ARID1B: variants seen among roughly 807,000 people sequenced by gnomAD.
ARID1B encodes the protein AT-rich interaction domain 1B.
In ARID1B, 30 loss-of-function variants were observed where a neutral mutation model predicts 212.3. The ratio of observed to expected loss-of-function variants is 0.14; its 90% CI spans 0.11 to 0.19. The LOEUF is 0.19. Ranked by LOEUF, ARID1B falls within the 10% of genes least tolerant of loss-of-function variation. The pLI is 1.00. For synonymous variants in ARID1B, 1,402 were observed against 1,301.7 expected (o/e 1.08, Z -1.66); for missense variants, 2,891 against 3,204.0 (o/e 0.90, Z 2.36).
chr6:156,922,543 G>T (rs1017192454), intron 3 of ARID1B, among the ~76,000 whole-genome samples: 2 of 152,088 alleles, frequency 1.3e-5, no homozygotes, highest in Non-Finnish European at 2.9e-5. Context: ...AGATACTAAT[G>T]GCATATTTGC....
chr6:157,180,784 CCTAA>C (rs1169861430), intron 11 of ARID1B, among the ~76,000 whole-genome samples, 181 bp from the exon 12 acceptor site: 2 of 152,050 alleles, frequency 1.3e-5, no homozygotes, highest in Non-Finnish European at 2.9e-5. Flanking sequence ...AAAGTAAATT[CCTAA>C]CTAAGAAAAT....
At chr6:156,839,101 C>G (rs947869650) in intron 2 of ARID1B, among the ~76,000 whole-genome samples, 6 of 152,136 alleles carry the variant, frequency 3.9e-5, no homozygotes, top group African/African-American at 1.4e-4. Context: ...ATGGAGATGA[C>G]AAGGTCTTAC....
chr6:157,135,799 C>T lies in ARID1B; in HGVS notation c.2761+2592C>T, dbSNP rs370247025. On this transcript the variant is annotated intron_variant, in intron 7 of 19. Transcript: ENST00000636930. ...CTAATAAAGGGTTTTTTTTCTTTCT[C>T]CTCTTGATTAACTACTCAGATTATT... Among the ~76,000 whole-genome samples the T allele has an allele frequency of 7.9e-5, 12 of 151,934 alleles. No homozygotes were observed. The East Asian group carries it at 9.6e-4, about 12-fold the overall frequency.
chr6:157,146,467 G>A (rs764528898), intron 7 of ARID1B, among the ~76,000 whole-genome samples: 1 of 152,104 alleles, frequency 6.6e-6, no homozygotes, highest in Non-Finnish European at 1.5e-5. Context: ...TCATTCAGAG[G>A]ACTCTCCACC....
At chr6:156,966,386 C>CTTT (rs1214987532) in intron 4 of ARID1B, among the ~76,000 whole-genome samples, 123 of 38,856 alleles carry the variant, frequency 3.2e-3, no homozygotes, top group African/African-American at 4.5e-3. Flanking sequence ...CTTTTCTTTT[C>CTTT]TTTTTTTTTT....
intron 7 of ARID1B, among the ~76,000 whole-genome samples, chr6:157,133,551 T>C (rs781469587): frequency 2.0e-5 from 3 of 152,202 alleles, no homozygotes; most frequent in Non-Finnish European, 4.4e-5. Flanking sequence ...ATGTCAAACT[T>C]GGGCTTTGTT....
intron 3 of ARID1B, among the ~76,000 whole-genome samples, chr6:156,914,133 C>T (rs112676972): frequency 5.9e-4 from 85 of 143,370 alleles, no homozygotes; most frequent in African/African-American, 2.3e-3. Context: ...TTCCACTCTC[C>T]ACTCCCGAAC....
At chr6:157,005,829 G>A (rs1308628297) in intron 4 of ARID1B, among the ~76,000 whole-genome samples, 1 of 151,848 alleles carries the variant, frequency 6.6e-6, no homozygotes, top group East Asian at 1.9e-4. Flanking sequence ...ACCATATTCT[G>A]TCTCCTCAGC....
intron 4 of ARID1B, among the ~76,000 whole-genome samples, chr6:156,987,479 C>T (rs911029263): frequency 6.6e-6 from 1 of 152,022 alleles, no homozygotes; most frequent in Non-Finnish European, 1.5e-5. Context: ...TACAGGCGCC[C>T]GCTACTGCAC....
At chr6:157,140,131 T>C (rs1263023005) in intron 7 of ARID1B, among the ~76,000 whole-genome samples, 2 of 152,222 alleles carry the variant, frequency 1.3e-5, no homozygotes, top group African/African-American at 2.4e-5. Context: ...TAGTGCAATA[T>C]GATGATGTAA....
intron 12 of ARID1B, among the ~76,000 whole-genome samples, chr6:157,183,412 C>T (rs1292424201): frequency 6.6e-6 from 1 of 152,214 alleles, no homozygotes; most frequent in Non-Finnish European, 1.5e-5. Flanking sequence ...CTTACCTCCT[C>T]CCTTGCCACA....
chr6:156,818,499 T>C (rs1328978593), intron 1 of ARID1B, among the ~76,000 whole-genome samples: 1 of 152,210 alleles, frequency 6.6e-6, no homozygotes, highest in African/African-American at 2.4e-5. Context: ...TGATATGTGT[T>C]TGGAATTGTT....
intron 3 of ARID1B, among the ~76,000 whole-genome samples, chr6:156,913,766 C>G (rs1048904050): frequency 2.7e-5 from 4 of 150,222 alleles, no homozygotes; most frequent in African/African-American, 9.8e-5. Context: ...CCATGGTACC[C>G]CCATTCCACT....
chr6:157,114,905 G>A (rs1423980452), intron 6 of ARID1B, among the ~76,000 whole-genome samples: 1 of 152,128 alleles, frequency 6.6e-6, no homozygotes, highest in African/African-American at 2.4e-5. Flanking sequence ...TGGAGCCTAA[G>A]TCCCCCCAGT....
At chr6:156,888,678 C>G (rs1005652897) in intron 2 of ARID1B, among the ~76,000 whole-genome samples, 1 of 152,120 alleles carries the variant, frequency 6.6e-6, no homozygotes, top group Admixed American at 6.5e-5. Context: ...TGGAAACAAC[C>G]AAATCCCCGT....
chr6:156,857,425 C>T (rs1785027672), intron 2 of ARID1B, among the ~76,000 whole-genome samples: 1 of 152,114 alleles, frequency 6.6e-6, no homozygotes, highest in African/African-American at 2.4e-5. Context: ...AGCAGAGGCC[C>T]TGGTGTGTAC....
chr6:157,197,942 T>C (rs1793843523), intron 16 of ARID1B, among the ~76,000 whole-genome samples: 1 of 152,238 alleles, frequency 6.6e-6, no homozygotes, highest in South Asian at 2.1e-4. Context: ...GTTTCACATG[T>C]GATAGTCTAA....
intron 8 of ARID1B, chr6:157,152,541 AAG>A (rs1790274191): frequency 6.6e-6 from 1 of 152,262 alleles, no homozygotes; most frequent in Non-Finnish European, 1.5e-5. Flanking sequence ...TAAAAAAAGA[AAG>A]AAGTTAAGTT....
At chr6:157,170,436 G>A (rs1225923622) in intron 9 of ARID1B, among the ~76,000 whole-genome samples, 2 of 152,176 alleles carry the variant, frequency 1.3e-5, no homozygotes, top group African/African-American at 2.4e-5. Context: ...TGTTTGTAGA[G>A]GTTGCTGGGG....
Sources: allele counts gnomAD v4.1 joint callset (sites outside exome capture counted in the v4.1 genomes callset), GRCh38; gene constraint gnomAD v4.1.1; transcripts MANE v1.5; gene names NCBI Gene and HGNC (gene_info 2026-07-23, HGNC 2026-07-21).